Variants in DYNC2H1 observed in about 807,000 individuals in gnomAD.
DYNC2H1 encodes cytoplasmic dynein 2 heavy chain 1.
A neutral mutation model predicts 570.0 loss-of-function variants in DYNC2H1; 410 were observed. The ratio of observed to expected loss-of-function variants is 0.72; its 90% CI spans 0.66 to 0.78. The LOEUF is 0.78. DYNC2H1 is among the 30% of genes least tolerant of loss of function. The probability of loss-of-function intolerance (pLI) is 0.00; values close to 1 mark genes in which losing one functional copy is unlikely to be tolerated. For missense variants in DYNC2H1, 4,865 were observed against 5,046.4 expected, an observed-to-expected ratio of 0.96 and a Z score of 1.09; for synonymous variants, 1,688 against 1,677.6, an observed-to-expected ratio of 1.01 and a Z score of -0.15.
intron 25 of DYNC2H1, among the ~76,000 whole-genome samples, chr11:103,155,871 A>G (rs1333206012): frequency 6.6e-6 from 1 of 152,160 alleles, no homozygotes; most frequent in African/African-American, 2.4e-5. Context: ...TTCCTATCCC[A>G]GAAATAAACC....
intron 60 of DYNC2H1, among the ~76,000 whole-genome samples, chr11:103,233,530 A>G (rs574152672): frequency 1.3e-5 from 2 of 151,790 alleles, no homozygotes; most frequent in Non-Finnish European, 2.9e-5. Context: ...TTAGTGGTAG[A>G]TGTTAGAGGG....
At chr11:103,406,934 T>C (rs562739331) in intron 84 of DYNC2H1, 1 of 152,040 alleles carries the variant, frequency 6.6e-6, no homozygotes, top group African/African-American at 2.4e-5. Flanking sequence ...CTTTCTAGTT[T>C]TATTACTAGG....
chr11:103,468,777 CA>C, intron 88 of DYNC2H1, 72 bp downstream of exon 88: 2 of 1,171,640 alleles, frequency 1.7e-6, no homozygotes, highest in Non-Finnish European at 2.4e-6. Flanking sequence ...TTCAAGAAGA[CA>C]TTCTTGGCCT....
Position 103,321,005 on chromosome 11 carries a change from ATGAG to A in DYNC2H1, c.11726-21_11726-18del. The A allele has an allele frequency of 6.5e-7, 1 of 1,540,484 alleles. No individual in the cohort carries two copies. The highest frequency in any genetic ancestry group is 8.8e-7 in the Non-Finnish European group (1 of 1,131,682). ...AGTTAATATTTTAGAAATGAAATTA[ATGAG>A]TGTTTTTTTAAAATTATAGGTGCCA... On this transcript the variant is annotated intron_variant, in intron 80 of 88. Transcript: ENST00000375735.
intron 84 of DYNC2H1, among the ~76,000 whole-genome samples, chr11:103,410,292 GTC>G (rs1222305934): frequency 6.6e-6 from 1 of 152,002 alleles, no homozygotes; most frequent in East Asian, 1.9e-4. Context: ...TCCTCCTTGA[GTC>G]TTTTGATTTC....
At chr11:103,216,426 C>A (rs1481292044) in intron 55 of DYNC2H1, among the ~76,000 whole-genome samples, 1 of 152,066 alleles carries the variant, frequency 6.6e-6, no homozygotes, top group Non-Finnish European at 1.5e-5. Flanking sequence ...GCTCTTACTA[C>A]CAGCTACATA....
At chr11:103,367,794 C>T (rs1429484276) in intron 83 of DYNC2H1, among the ~76,000 whole-genome samples, 1 of 152,028 alleles carries the variant, frequency 6.6e-6, no homozygotes, top group Non-Finnish European at 1.5e-5. Flanking sequence ...TTCTAGTAAC[C>T]GCTGTTCTAC....
chr11:103,377,625 T>C (rs767926286), intron 83 of DYNC2H1, among the ~76,000 whole-genome samples: 20 of 152,204 alleles, frequency 1.3e-4, no homozygotes, highest in Non-Finnish European at 2.2e-4. Flanking sequence ...TTTACATTCT[T>C]ATACATTTAT....
intron 3 of DYNC2H1, 121 bp from the exon 4 acceptor site, chr11:103,115,056 T>C (rs1423648152): frequency 5.1e-5 from 29 of 563,522 alleles, no homozygotes; most frequent in Admixed American, 3.0e-4. Context: ...TGTCACCTAT[T>C]TGACCTCAGC....
chr11:103,213,234 T>C (rs1362589105), intron 54 of DYNC2H1, among the ~76,000 whole-genome samples: 4 of 152,084 alleles, frequency 2.6e-5, no homozygotes, highest in African/African-American at 9.6e-5. Flanking sequence ...ACAAGAAAAA[T>C]GAATATTAGA....
chr11:103,220,054 C>T (rs1863528217), intron 56 of DYNC2H1, 26 bp downstream of exon 56: 1 of 1,283,964 alleles, frequency 7.8e-7, no homozygotes, highest in South Asian at 1.6e-5. Flanking sequence ...TTCTAAGATC[C>T]ATTTACATTT....
intron 70 of DYNC2H1, among the ~76,000 whole-genome samples, chr11:103,271,843 G>C (rs1056970315): frequency 4.6e-5 from 7 of 152,118 alleles, no homozygotes; most frequent in African/African-American, 1.2e-4. Context: ...CACTGGCCAT[G>C]AGAGAAATGC....
In DYNC2H1 at chr11:103,282,345, AT is replaced by A; in HGVS notation, c.10812+118del. ...AAATTATTGTTGAAGTTATAATTTGATTAGAAGAATATATTCTGGCCTCTTA... is the reference window on the plus strand; with the variant it reads ...AAATTATTGTTGAAGTTATAATTTGATAGAAGAATATATTCTGGCCTCTTA... On this transcript the variant is annotated intron_variant, in intron 72 of 88. Coordinates refer to ENST00000375735, the MANE Select transcript of DYNC2H1 (RefSeq NM_001377.3). 5.8e-6 allele frequency: 5 copies of A among 863,032 alleles called. No homozygotes were observed. The South Asian group carries it at 8.3e-5, about 14-fold the overall frequency. 53.5% of individuals were successfully genotyped at this position (863,032 alleles called of 1,614,324 possible). A position where few individuals can be genotyped will look rare whatever the true frequency, so the allele number is the denominator to read the frequency against.
In DYNC2H1 at chr11:103,181,649, G is replaced by T; in HGVS notation, c.6348-108G>T. The T allele has an allele frequency of 8.3e-7, 1 of 1,207,860 alleles. No individual in the cohort carries two copies. The highest frequency in any genetic ancestry group is 1.1e-6 in the Non-Finnish European group (1 of 875,402). 74.8% of individuals were successfully genotyped at this position (1,207,860 alleles called of 1,614,324 possible). A position where few individuals can be genotyped will look rare whatever the true frequency, so the allele number is the denominator to read the frequency against. The stretch of plus-strand genomic sequence containing the variant: ...AACTAAAGCCACCTTTTGTATGCTA[G>T]CAGACAAAATATGTGCGTAGAATAA... On this transcript the variant is annotated intron_variant, in intron 39 of 88. Transcript: ENST00000375735. The surrounding 1 kb of genome is among the most constrained non-coding windows in gnomAD (Gnocchi z 5.0).
intron 84 of DYNC2H1, among the ~76,000 whole-genome samples, chr11:103,434,925 T>C (rs1944010239): frequency 6.6e-6 from 1 of 152,076 alleles, no homozygotes. Flanking sequence ...TAGCCTAGAC[T>C]TGGAAACTGG....
chr11:103,425,810 A>G (rs1159316205), intron 84 of DYNC2H1, among the ~76,000 whole-genome samples: 1 of 151,758 alleles, frequency 6.6e-6, no homozygotes, highest in Non-Finnish European at 1.5e-5. Flanking sequence ...CAAAAAAAAG[A>G]AGGTTAAAAG....
In DYNC2H1 at chr11:103,446,129, G is replaced by A. The variant is rs1944418816; in HGVS notation, c.12457-9057G>A. Among the ~76,000 whole-genome samples the A allele has an allele frequency of 6.6e-6, 1 of 152,040 alleles. No individual in the cohort carries two copies. Among genetic ancestry groups the A allele is most frequent in the Non-Finnish European group, 1.5e-5 (1 of 68,022 alleles). On this transcript the variant is annotated intron_variant, in intron 85 of 88. Transcript: ENST00000375735. The surrounding 1 kb of genome is among the most constrained non-coding windows in gnomAD (Gnocchi z 4.5). The stretch of plus-strand genomic sequence containing the variant: ...TTCTAATTTGAACATGATAAGTTTA[G>A]ATGTCTTTTAGACATCTTGGTGGAA...
At chr11:103,302,293 T>C (rs1867081668) in intron 75 of DYNC2H1, among the ~76,000 whole-genome samples, 1 of 152,104 alleles carries the variant, frequency 6.6e-6, no homozygotes, top group Non-Finnish European at 1.5e-5. Context: ...AGGAGCATTG[T>C]ATGGTTTATA....
intron 70 of DYNC2H1, among the ~76,000 whole-genome samples, chr11:103,278,579 T>C (rs1238211363): frequency 6.6e-6 from 1 of 152,164 alleles, no homozygotes; most frequent in Non-Finnish European, 1.5e-5. Flanking sequence ...TTTTCTTTTT[T>C]TTGACACGGA....
Sources: gnomAD v4.1 joint callset for allele counts (sites outside exome capture counted in the v4.1 genomes callset) on GRCh38, gnomAD v4.1.1 for gene constraint, Gnocchi (gnomAD v3.1) non-coding constraint, MANE v1.5 for transcripts, NCBI Gene and HGNC (gene_info 2026-07-23, HGNC 2026-07-21) for gene names.